RGS7: variants seen among roughly 807,000 people sequenced by gnomAD.
The protein encoded by RGS7 is regulator of G-protein signaling 7.
RGS7 carries 27 observed loss-of-function variants against 81.1 expected under a neutral mutation model. The observed-to-expected ratio is 0.33, with a 90% CI of 0.25 to 0.46. The LOEUF is 0.46. Ranked by LOEUF, RGS7 falls within the 20% of genes least tolerant of loss-of-function variation. RGS7 has a pLI of 1.00. For synonymous variants in RGS7, 208 were observed against 207.7 expected, an observed-to-expected ratio of 1.00 and a Z score of -0.01; for missense variants, 396 against 607.4, an observed-to-expected ratio of 0.65 and a Z score of 3.66.
intron 2 of RGS7, among the ~76,000 whole-genome samples, chr1:241,169,110 A>G (rs2070508391): frequency 6.6e-6 from 1 of 152,078 alleles, no homozygotes; most frequent in Admixed American, 6.5e-5. Context: ...AAGTCACTAA[A>G]AAGTTTGTAG....
chr1:241,048,812 A>G (rs555221185), intron 3 of RGS7, among the ~76,000 whole-genome samples: 2 of 152,264 alleles, frequency 1.3e-5, no homozygotes, highest in African/African-American at 4.8e-5. Context: ...AAAACAACAG[A>G]CATTTATTGT....
At chr1:240,814,923 A>C (rs561427771) in intron 11 of RGS7, 146 bp from the exon 12 acceptor site, 1 of 677,376 alleles carries the variant, frequency 1.5e-6, no homozygotes, top group African/African-American at 1.8e-5. Context: ...ATAGAAGCAG[A>C]GGGCTCTTAA....
At chr1:241,153,424 A>T (rs997117682) in intron 2 of RGS7, among the ~76,000 whole-genome samples, 2 of 152,240 alleles carry the variant, frequency 1.3e-5, no homozygotes, top group Admixed American at 6.5e-5. Flanking sequence ...TTTGGTGAAG[A>T]AGAGAGTTAT....
chr1:240,912,043 C>T lies in RGS7; in HGVS notation c.385+18674G>A, dbSNP rs1353443737. Among the ~76,000 whole-genome samples, 4 of 140,922 alleles carry T rather than the reference C, an allele frequency of 2.8e-5. 1 individual carries two copies. The highest frequency in any genetic ancestry group is 6.0e-5 in the Non-Finnish European group (4 of 66,172). The allele number at this position is 140,922 out of a possible 152,430, so 92.5% of individuals were successfully genotyped here. ...GCAGGGGCCTGTAGTTCCAGCTACTCGGGAGGGTGAGGCAAGAGAATGGCG... is the reference window on the plus strand; with the variant it reads ...GCAGGGGCCTGTAGTTCCAGCTACTTGGGAGGGTGAGGCAAGAGAATGGCG... On this transcript the variant is annotated intron_variant, in intron 6 of 18. Coordinates refer to ENST00000440928, the MANE Select transcript of RGS7 (RefSeq NM_001364886.1).
At chr1:241,065,746 T>C (rs1268892779) in intron 3 of RGS7, among the ~76,000 whole-genome samples, 2 of 152,240 alleles carry the variant, frequency 1.3e-5, no homozygotes, top group East Asian at 3.8e-4. Context: ...TGAGAGGGTA[T>C]ATCCTCAAGA....
intron 6 of RGS7, among the ~76,000 whole-genome samples, chr1:240,925,300 C>T (rs949716903): frequency 2.6e-5 from 4 of 152,028 alleles, no homozygotes; most frequent in African/African-American, 9.7e-5. Flanking sequence ...CCAGTACCTG[C>T]CAGCGTCTAT....
At chr1:241,012,144 A>C (rs910387799) in intron 3 of RGS7, among the ~76,000 whole-genome samples, 1 of 152,182 alleles carries the variant, frequency 6.6e-6, no homozygotes, top group Non-Finnish European at 1.5e-5. Context: ...GAGACCTTAC[A>C]TTGACTATAC....
intron 10 of RGS7, among the ~76,000 whole-genome samples, chr1:240,826,373 A>T (rs912269330): frequency 4.6e-5 from 7 of 152,206 alleles, no homozygotes; most frequent in African/African-American, 1.7e-4. Context: ...TTGAGTGCTT[A>T]CTACAGGGAC....
rs904469481 is a variant in RGS7, at chr1:241,343,906, A to G, written c.78+11793T>C. On this transcript the variant is annotated intron_variant, in intron 2 of 18. Coordinates refer to ENST00000440928, the MANE Select transcript of RGS7 (RefSeq NM_001364886.1). ...ACAAAAAAAAGAAAAAGTAAAGAAG[A>G]CTTCTTTGTGTAAATATGAAAAGAA... Among the ~76,000 whole-genome samples, 3 of 152,274 alleles carry G rather than the reference A, an allele frequency of 2.0e-5. No homozygotes were observed. In the East Asian group the frequency reaches 5.8e-4, roughly 29 times the overall value.
At chr1:241,337,768 A>T (rs192418810) in intron 2 of RGS7, among the ~76,000 whole-genome samples, 1 of 152,144 alleles carries the variant, frequency 6.6e-6, no homozygotes, top group African/African-American at 2.4e-5. Context: ...CTTCATTTTC[A>T]TAACTCAGGC....
rs140264776 is a variant in RGS7 at position 241,232,989 on chromosome 1, T to A, written c.78+122710A>T. On this transcript the variant is annotated intron_variant, in intron 2 of 18. Transcript: ENST00000440928. ...AGGTCATTGGCTTATATAAAAAAAA[T>A]CTTATAATCTTTTTACAGGAATCAT... 6.2e-4 allele frequency among the ~76,000 whole-genome samples: 94 copies of A among 152,224 alleles called. No individual in the cohort carries two copies. In the East Asian group the frequency reaches 0.015, roughly 25 times the overall value.
chr1:240,977,312 T>A (rs1489706821), intron 4 of RGS7, among the ~76,000 whole-genome samples: 1 of 152,206 alleles, frequency 6.6e-6, no homozygotes, highest in Admixed American at 6.5e-5. Context: ...TATTTAATCT[T>A]TCCGCCACAG....
intron 18 of RGS7, among the ~76,000 whole-genome samples, chr1:240,777,668 A>G (rs559247907): frequency 2.9e-4 from 44 of 152,328 alleles, no homozygotes; most frequent in African/African-American, 9.4e-4. Flanking sequence ...CTAGACACTT[A>G]TAGATTCTTT....
At chr1:241,132,734 A>G (rs1357704323) in intron 2 of RGS7, among the ~76,000 whole-genome samples, 1 of 145,670 alleles carries the variant, frequency 6.9e-6, no homozygotes, top group Admixed American at 6.9e-5. Flanking sequence ...CAATAATTCA[A>G]CTTATTATTT....
chr1:241,124,756 A>G (rs1222671918), intron 2 of RGS7, among the ~76,000 whole-genome samples: 1 of 152,196 alleles, frequency 6.6e-6, no homozygotes, highest in Non-Finnish European at 1.5e-5. Flanking sequence ...CTGGGAGCTG[A>G]GCCAATTGTG....
intron 2 of RGS7, among the ~76,000 whole-genome samples, chr1:241,173,861 G>C (rs894324883): frequency 1.3e-5 from 2 of 152,122 alleles, no homozygotes; most frequent in Admixed American, 6.5e-5. Flanking sequence ...AGTCAAGCTG[G>C]AGAATTCCAG....
intron 10 of RGS7, among the ~76,000 whole-genome samples, chr1:240,819,315 TAACATAAAAGAC>T (rs1444472589): frequency 6.6e-6 from 1 of 152,160 alleles, no homozygotes; most frequent in Non-Finnish European, 1.5e-5. Flanking sequence ...ATTAAAAAAA[TAACATAAAAGAC>T]TGCTAGAAAA....
At chr1:241,310,162 T>C (rs925408641) in intron 2 of RGS7, among the ~76,000 whole-genome samples, 2 of 152,218 alleles carry the variant, frequency 1.3e-5, no homozygotes, top group African/African-American at 4.8e-5. Flanking sequence ...AAAAGGTCAT[T>C]TTCTCCAGTC....
intron 2 of RGS7, among the ~76,000 whole-genome samples, chr1:241,272,549 GAAAAGAAGTTC>G (rs1477240592): frequency 6.6e-6 from 1 of 152,138 alleles, no homozygotes; most frequent in Admixed American, 6.5e-5. Context: ...CAGCCAATCT[GAAAAGAAGTTC>G]CTAGCCCCAT....
Sources: allele counts gnomAD v4.1 joint callset (sites outside exome capture counted in the v4.1 genomes callset), GRCh38; gene constraint gnomAD v4.1.1; transcripts MANE v1.5; gene names NCBI Gene and HGNC (gene_info 2026-07-23, HGNC 2026-07-21).